PID1: variants seen among roughly 807,000 people sequenced by gnomAD.
PID1 encodes PTB-containing, cubilin and LRP1-interacting protein.
PID1 carries 10 observed loss-of-function variants against 19.1 expected under a neutral mutation model. That is an observed-to-expected ratio of 0.52 (90% CI 0.32 to 0.89). PID1 has a LOEUF of 0.89. PID1 is among the 40% of genes least tolerant of loss of function. PID1 has a pLI of 0.03. For missense variants in PID1, 248 were observed against 285.3 expected, an observed-to-expected ratio of 0.87 and a Z score of 0.94; for synonymous variants, 130 against 116.0, an observed-to-expected ratio of 1.12 and a Z score of -0.78.
rs560133990 is a variant in PID1 at position 229,063,006 on chromosome 2, TTC to T, written c.178-36900_178-36899del. 6.1e-4 allele frequency among the ~76,000 whole-genome samples: 93 copies of T among 152,178 alleles called. 1 individual carries two copies. Among genetic ancestry groups the T allele is most frequent in the African/African-American group, 2.0e-3 (85 of 41,560 alleles). On this transcript the variant is annotated intron_variant, in intron 2 of 2. Coordinates refer to ENST00000392055, the MANE Select transcript of PID1 (RefSeq NM_001100818.2). Reference sequence around the variant, plus strand: ...GTTTCTGATTTCATTTATTTGAGTATTCTCTCTTTTTTCTTAGTCTGGCTAAA... The same window carrying T: ...GTTTCTGATTTCATTTATTTGAGTATTCTCTTTTTTCTTAGTCTGGCTAAA...
At chr2:229,046,859 C>T (rs577721939) in intron 2 of PID1, among the ~76,000 whole-genome samples, 19 of 152,324 alleles carry the variant, frequency 1.2e-4, no homozygotes, top group African/African-American at 4.1e-4. Context: ...TGCAATCCAA[C>T]GGTCTACTCG....
intron 1 of PID1, among the ~76,000 whole-genome samples, chr2:229,193,175 T>C (rs1244339789): frequency 6.6e-6 from 1 of 152,218 alleles, no homozygotes; most frequent in African/African-American, 2.4e-5. Context: ...CAACCGGTGA[T>C]ATTCAGCTGG....
chr2:229,101,224 T>C (rs1695066593), intron 2 of PID1, among the ~76,000 whole-genome samples: 1 of 152,236 alleles, frequency 6.6e-6, no homozygotes, highest in Non-Finnish European at 1.5e-5. Context: ...AATGGATTTT[T>C]TTTTTAATCT....
At chr2:229,213,970 G>A (rs1394281882) in intron 1 of PID1, among the ~76,000 whole-genome samples, 1 of 152,132 alleles carries the variant, frequency 6.6e-6, no homozygotes. Context: ...ACATGAAGAA[G>A]ACCTTCCCTG....
At chr2:229,163,356 A>G (rs1174637344) in intron 1 of PID1, among the ~76,000 whole-genome samples, 1 of 152,202 alleles carries the variant, frequency 6.6e-6, no homozygotes, top group African/African-American at 2.4e-5. Flanking sequence ...AAATAGTTTC[A>G]GTTTAATTTT....
At chr2:229,034,651 A>G (rs1311570422) in intron 2 of PID1, among the ~76,000 whole-genome samples, 1 of 152,096 alleles carries the variant, frequency 6.6e-6, no homozygotes, top group African/African-American at 2.4e-5. Context: ...TGTACCCTGG[A>G]GACACCCATA....
At chr2:229,057,981 T>C (rs891293765) in intron 2 of PID1, among the ~76,000 whole-genome samples, 5 of 152,180 alleles carry the variant, frequency 3.3e-5, no homozygotes, top group Admixed American at 2.0e-4. Context: ...CAATTAGAAA[T>C]GCAAAGCCTT....
chr2:229,059,174 A>G (rs1430473855), intron 2 of PID1, among the ~76,000 whole-genome samples: 1 of 152,188 alleles, frequency 6.6e-6, no homozygotes, highest in East Asian at 1.9e-4. Context: ...TGGATGAGAA[A>G]CAGAATAGAA....
At chr2:229,233,103 C>T (rs1229085751) in intron 1 of PID1, among the ~76,000 whole-genome samples, 1 of 152,020 alleles carries the variant, frequency 6.6e-6, no homozygotes, top group South Asian at 2.1e-4. Flanking sequence ...GAGAAGGCAG[C>T]GGATGTTTTC....
intron 1 of PID1, among the ~76,000 whole-genome samples, chr2:229,177,390 G>A (rs1690845665): frequency 6.6e-6 from 1 of 152,150 alleles, no homozygotes; most frequent in South Asian, 2.1e-4. Context: ...CCAACATCAG[G>A]CAAGAGCTTC....
At chr2:229,264,468 AAGG>A (rs1574769341) in intron 1 of PID1, among the ~76,000 whole-genome samples, 2 of 152,254 alleles carry the variant, frequency 1.3e-5, no homozygotes, top group East Asian at 3.9e-4. Flanking sequence ...CAAGGGCCAC[AAGG>A]TATGTGGCCC....
chr2:229,155,996 T>C (rs932350032), intron 1 of PID1, 32 bp from the exon 2 acceptor site: 1 of 1,603,634 alleles, frequency 6.2e-7, no homozygotes, highest in African/African-American at 1.3e-5. Flanking sequence ...CACATGTAGT[T>C]TAATCACTTG....
chr2:229,229,152 A>C (rs557917997), intron 1 of PID1, among the ~76,000 whole-genome samples: 161 of 152,264 alleles, frequency 1.1e-3, no homozygotes, highest in African/African-American at 3.6e-3. Flanking sequence ...GCTGAGTAAC[A>C]ATTTGTGAGT....
At chr2:229,166,641 C>A (rs563491751) in intron 1 of PID1, among the ~76,000 whole-genome samples, 2 of 152,238 alleles carry the variant, frequency 1.3e-5, no homozygotes, top group South Asian at 4.1e-4. Flanking sequence ...TTTTAATCTC[C>A]ATGCTGACTT....
At chr2:229,114,294 T>G (rs1158124012) in intron 2 of PID1, among the ~76,000 whole-genome samples, 3 of 152,080 alleles carry the variant, frequency 2.0e-5, no homozygotes, top group African/African-American at 7.2e-5. Flanking sequence ...TCTATATTTT[T>G]TTCAGGGATA....
At chr2:229,259,782 C>T (rs1000580608) in intron 1 of PID1, among the ~76,000 whole-genome samples, 2 of 152,074 alleles carry the variant, frequency 1.3e-5, no homozygotes, top group Non-Finnish European at 2.9e-5. Context: ...GGAGATGAAA[C>T]CTTTGGGGAG....
intron 2 of PID1, among the ~76,000 whole-genome samples, chr2:229,073,150 T>C (rs568405286): frequency 7.2e-5 from 11 of 152,282 alleles, no homozygotes; most frequent in South Asian, 6.2e-4. Context: ...CTCAGCCTCC[T>C]GAGTAGCTGG....
At chr2:229,261,090 A>G (rs1161577619) in intron 1 of PID1, among the ~76,000 whole-genome samples, 1 of 152,102 alleles carries the variant, frequency 6.6e-6, no homozygotes, top group African/African-American at 2.4e-5. Context: ...TCACATGAAT[A>G]CTGGAGTGAT....
At chr2:229,078,948 G>A (rs1268476221) in intron 2 of PID1, among the ~76,000 whole-genome samples, 1 of 152,212 alleles carries the variant, frequency 6.6e-6, no homozygotes, top group Non-Finnish European at 1.5e-5. Flanking sequence ...GCTGAAGTAA[G>A]TGTAGGTTAG....
Sources: allele counts gnomAD v4.1 joint callset (sites outside exome capture counted in the v4.1 genomes callset), GRCh38; gene constraint gnomAD v4.1.1; transcripts MANE v1.5; gene names NCBI Gene and HGNC (gene_info 2026-07-23, HGNC 2026-07-21).